The following UBE2J1 variants were observed in gnomAD, a reference collection of about 807,000 sequenced individuals.
UBE2J1 encodes ubiquitin-conjugating enzyme E2 J1.
In UBE2J1, 17 loss-of-function variants were observed where a neutral mutation model predicts 42.1. That is an observed-to-expected ratio of 0.40 (90% CI 0.28 to 0.61). UBE2J1 has a LOEUF of 0.61. UBE2J1 is among the 20% of genes least tolerant of loss of function. The pLI, the probability that UBE2J1 is intolerant of heterozygous loss-of-function variation, is 0.38. For missense variants in UBE2J1, 291 were observed against 389.4 expected, an observed-to-expected ratio of 0.75 and a Z score of 2.13; for synonymous variants, 127 against 137.2, an observed-to-expected ratio of 0.93 and a Z score of 0.52.
chr6:89,336,020 T>G (rs1768100778), intron 5 of UBE2J1, among the ~76,000 whole-genome samples: 2 of 152,196 alleles, frequency 1.3e-5, no homozygotes, highest in South Asian at 4.1e-4. Context: ...TATTTGTTTT[T>G]CCATTTTTCC....
At chr6:89,345,962 C>T (rs956605213) in intron 1 of UBE2J1, among the ~76,000 whole-genome samples, 2 of 151,378 alleles carry the variant, frequency 1.3e-5, no homozygotes, top group African/African-American at 4.9e-5. Flanking sequence ...ACACAGCTCA[C>T]TCACTGAAGC....
At chr6:89,349,804 G>A (rs1582490705) in intron 1 of UBE2J1, among the ~76,000 whole-genome samples, 1 of 152,164 alleles carries the variant, frequency 6.6e-6, no homozygotes, top group South Asian at 2.1e-4. Context: ...GGAGGCAGTG[G>A]GTACTTTTGC....
chr6:89,330,078 G>T, intron 7 of UBE2J1, 121 bp from the exon 8 acceptor site: 1 of 974,882 alleles, frequency 1.0e-6, no homozygotes, highest in Non-Finnish European at 1.5e-6. Context: ...ACACTACCAA[G>T]AATGATTGTT....
chr6:89,329,082 A>C lies in UBE2J1; in HGVS notation c.*597T>G, dbSNP rs1217930135. Reference sequence around the variant, plus strand: ...AGTACTCCCTCTTCAAGTAGCATCCAGTGACAAAGATGTGATCTCATTTCC... The same window carrying C: ...AGTACTCCCTCTTCAAGTAGCATCCCGTGACAAAGATGTGATCTCATTTCC... On this transcript the variant is annotated 3_prime_UTR_variant, in exon 8 of 8. Transcript: ENST00000435041. 6.6e-6 allele frequency: 1 copy of C among 152,652 alleles called. No homozygotes were observed. Among genetic ancestry groups the C allele is most frequent in the Admixed American group, 6.5e-5 (1 of 15,282 alleles). 9.5% of individuals were successfully genotyped at this position (152,652 alleles called of 1,614,324 possible).
chr6:89,333,009 T>A, intron 7 of UBE2J1, 77 bp downstream of exon 7: 1 of 1,346,172 alleles, frequency 7.4e-7, no homozygotes, highest in Non-Finnish European at 9.8e-7. Context: ...AGATATTTGA[T>A]CCAGGATCTT....
intron 3 of UBE2J1, among the ~76,000 whole-genome samples, chr6:89,338,882 G>A (rs371468186): frequency 4.0e-5 from 6 of 151,838 alleles, no homozygotes; most frequent in Non-Finnish European, 7.4e-5. Context: ...AGCCAGGATG[G>A]TCTCGATATC....
chr6:89,346,234 C>G (rs1419728217), intron 1 of UBE2J1, among the ~76,000 whole-genome samples: 1 of 152,114 alleles, frequency 6.6e-6, no homozygotes, highest in African/African-American at 2.4e-5. Flanking sequence ...CCATTTCTTA[C>G]TCTGAACTAA....
chr6:89,339,785 G>A (rs1040203024), intron 3 of UBE2J1, among the ~76,000 whole-genome samples: 7 of 151,648 alleles, frequency 4.6e-5, no homozygotes, highest in Non-Finnish European at 8.8e-5. Context: ...AAGGTAGGAA[G>A]GTCACTTGAG....
chr6:89,335,768 G>GA (rs775162366), intron 5 of UBE2J1, among the ~76,000 whole-genome samples: 3 of 151,794 alleles, frequency 2.0e-5, no homozygotes, highest in Non-Finnish European at 4.4e-5. Context: ...TTAAGGCTGT[G>GA]AAAAAAGTCC....
intron 1 of UBE2J1, among the ~76,000 whole-genome samples, chr6:89,349,435 A>G (rs1296954657): frequency 1.3e-5 from 2 of 152,168 alleles, no homozygotes; most frequent in African/African-American, 4.8e-5. Context: ...GTGACTGATT[A>G]GATATATGTG....
intron 7 of UBE2J1, among the ~76,000 whole-genome samples, chr6:89,330,653 A>T (rs551508689): frequency 4.7e-4 from 72 of 152,200 alleles, no homozygotes; most frequent in Non-Finnish European, 9.3e-4. Flanking sequence ...AAACTTAGCC[A>T]GGTGTGGTCA....
Position 89,328,280 on chromosome 6 carries a change from T to C in UBE2J1, c.*1399A>G, listed in dbSNP as rs1289997201. 6.6e-6 allele frequency: 1 copy of C among 152,214 alleles called. No individual in the cohort carries two copies. The highest frequency in any genetic ancestry group is 2.4e-5 in the African/African-American group (1 of 41,448). The allele number at this position is 152,214 out of a possible 1,614,324, so 9.4% of individuals were successfully genotyped here. A position where few individuals can be genotyped will look rare whatever the true frequency, so the allele number is the denominator to read the frequency against. ...AAGACGATTTTACAATTATTTCTCT[T>C]GTCCATAATTTCACTTAGTTAAAAC... On this transcript the variant is annotated 3_prime_UTR_variant, in exon 8 of 8. Coordinates refer to ENST00000435041, the MANE Select transcript of UBE2J1 (RefSeq NM_016021.3).
At chr6:89,345,838 T>C (rs966156773) in intron 1 of UBE2J1, among the ~76,000 whole-genome samples, 8 of 149,818 alleles carry the variant, frequency 5.3e-5, no homozygotes, top group Non-Finnish European at 8.9e-5. Context: ...ACCCAGGAAG[T>C]GGAGGCTGCA....
In UBE2J1 at chr6:89,338,216, T is replaced by C. The variant is rs200552956; in HGVS notation, c.417A>G (p.Ala139=). Residue 139 remains alanine (A), a synonymous_variant, in exon 5 of 8, where the codon GCA becomes GCG. Coordinates refer to ENST00000435041, the MANE Select transcript of UBE2J1 (RefSeq NM_016021.3). Reference sequence around the variant, plus strand: ...AATGCAAAACTTACTTTTTGGCAAGTGCTCTTCTTTCCTCAGGAGTGTAAT... The same window carrying C: ...AATGCAAAACTTACTTTTTGGCAAGCGCTCTTCTTTCCTCAGGAGTGTAAT... ...SLDYTPEERR[A]LAKKSQDFCC... 6.3e-5 allele frequency: 102 copies of C among 1,611,552 alleles called. No homozygotes were observed. The highest frequency in any genetic ancestry group is 3.3e-4 in the Middle Eastern group (2 of 6,072).
rs773803959 is a variant in UBE2J1, at chr6:89,329,860, T to A, written c.776A>T (p.Gln259Leu). The A allele has an allele frequency of 1.2e-5, 19 of 1,614,020 alleles. No homozygotes were observed. Among genetic ancestry groups the A allele is most frequent in the Non-Finnish European group, 1.6e-5 (19 of 1,180,008 alleles). The change falls in exon 8 of 8, where the codon CAG (glutamine) becomes CTG (leucine). Residue 259 changes from glutamine (Q) to leucine (L), a missense_variant. Gln to Leu is a moderately radical substitution (Grantham distance 113). This residue lies in a region of UBE2J1 where 176 missense variants were observed against 196.3 expected (regional missense o/e 0.90). Transcript: ENST00000435041. Reference protein sequence around the residue: ...SMSPRQRRAQQQSQRRLSTSP... With the variant: ...SMSPRQRRAQLQSQRRLSTSP... ...AGTAGACAACCTTCTCTGACTCTGC[T>A]GCTGGGCCCGGCGCTGTCGAGGGCT...
Position 89,342,359 on chromosome 6 carries a change from A to G in UBE2J1, c.202T>C (p.Tyr68His). The change falls in exon 3 of 8, where the codon TAT becomes CAT. Residue 68 changes from tyrosine (Y) to histidine (H), a missense_variant. Physicochemically the swap from Tyr to His is moderately conservative, Grantham distance 83. This residue lies in a region of UBE2J1 where 115 missense variants were observed against 193.1 expected (regional missense o/e 0.60). Transcript: ENST00000435041. The stretch of plus-strand genomic sequence containing the variant: ...ATAATGCTTGGTGGTTTCATGGGAT[A>G]CTCTGGTGGCAGTACTATCCGCCCG... Reference protein sequence around the residue: ...YHGRIVLPPEYPMKPPSIILL... With the variant: ...YHGRIVLPPEHPMKPPSIILL... 1 of 1,613,986 alleles carries G rather than the reference A, an allele frequency of 6.2e-7. No individual in the cohort carries two copies.
intron 3 of UBE2J1, among the ~76,000 whole-genome samples, chr6:89,338,886 C>T (rs543931971): frequency 2.6e-5 from 4 of 151,780 alleles, no homozygotes; most frequent in East Asian, 1.9e-4. Flanking sequence ...AGGATGGTCT[C>T]GATATCCTGA....
intron 3 of UBE2J1, among the ~76,000 whole-genome samples, chr6:89,341,234 A>G (rs1250610575): frequency 1.3e-5 from 2 of 152,182 alleles, no homozygotes; most frequent in Non-Finnish European, 2.9e-5. Context: ...ACAGGGCACT[A>G]TGTGTGGAAG....
chr6:89,339,877 C>T (rs1414019592), intron 3 of UBE2J1, among the ~76,000 whole-genome samples: 1 of 151,708 alleles, frequency 6.6e-6, no homozygotes, highest in East Asian at 1.9e-4. Flanking sequence ...TTTAGCCAAG[C>T]GTGGTATGTG....
Sources: allele counts gnomAD v4.1 joint callset (sites outside exome capture counted in the v4.1 genomes callset), GRCh38; gene constraint gnomAD v4.1.1; regional missense constraint gnomAD v4.1.1; transcripts MANE v1.5; gene names NCBI Gene and HGNC (gene_info 2026-07-23, HGNC 2026-07-21).